PLXDC2: variants seen among roughly 807,000 people sequenced by gnomAD.
The protein encoded by PLXDC2 is plexin domain-containing protein 2.
PLXDC2 carries 40 observed loss-of-function variants against 68.9 expected under a neutral mutation model. That is an observed-to-expected ratio of 0.58 (90% CI 0.45 to 0.76). The LOEUF is 0.76. Ranked by LOEUF, PLXDC2 falls within the 30% of genes least tolerant of loss-of-function variation. The pLI, the probability that PLXDC2 is intolerant of heterozygous loss-of-function variation, is 0.00. For missense variants in PLXDC2, 644 were observed against 661.9 expected (o/e 0.97, Z 0.30); for synonymous variants, 243 against 234.2 (o/e 1.04, Z -0.34).
chr10:20,156,892 A>T (rs1834224419), intron 6 of PLXDC2, among the ~76,000 whole-genome samples: 1 of 152,186 alleles, frequency 6.6e-6, no homozygotes, highest in African/African-American at 2.4e-5. Context: ...GTTTACAGAC[A>T]ACTCACCATT....
chr10:20,014,197 TTTCCTTCCTTCC>T (rs912652172), intron 2 of PLXDC2, among the ~76,000 whole-genome samples: 3 of 122,802 alleles, frequency 2.4e-5, no homozygotes, highest in South Asian at 5.8e-4. Context: ...CCCTCCCTTG[TTTCCTTCCTTCC>T]TTCCTTCCTT....
chr10:19,943,888 A>G lies in PLXDC2; in HGVS notation c.113-57887A>G, dbSNP rs566530707. ...TTGTGTTTCATTTTGGAGGAAATGGACTTTTGCTATGCATTGTTTGTTGGG... is the reference window on the plus strand; with the variant it reads ...TTGTGTTTCATTTTGGAGGAAATGGGCTTTTGCTATGCATTGTTTGTTGGG... On this transcript the variant is annotated intron_variant, in intron 1 of 13. Coordinates refer to ENST00000377252, the MANE Select transcript of PLXDC2 (RefSeq NM_032812.9). Among the ~76,000 whole-genome samples, 3 of 152,266 alleles carry G rather than the reference A, an allele frequency of 2.0e-5. No homozygotes were observed. In the South Asian group the frequency reaches 6.2e-4, roughly 32 times the overall value.
At chr10:20,078,505 A>T (rs1589618409) in intron 4 of PLXDC2, among the ~76,000 whole-genome samples, 1 of 152,248 alleles carries the variant, frequency 6.6e-6, no homozygotes, top group East Asian at 1.9e-4. Flanking sequence ...AATGAGTGTT[A>T]TAAGATTATG....
chr10:20,158,638 G>A (rs924159381), intron 6 of PLXDC2, among the ~76,000 whole-genome samples: 1 of 151,574 alleles, frequency 6.6e-6, no homozygotes, highest in Non-Finnish European at 1.5e-5. Flanking sequence ...ACTCCAGCCT[G>A]GGCAACAGAA....
intron 1 of PLXDC2, among the ~76,000 whole-genome samples, chr10:19,938,952 A>C (rs1429254401): frequency 1.3e-5 from 2 of 152,192 alleles, no homozygotes; most frequent in East Asian, 3.9e-4. Flanking sequence ...TGGCAGTAAG[A>C]ATGAATGGAT....
intron 1 of PLXDC2, among the ~76,000 whole-genome samples, chr10:19,926,887 T>C (rs150274199): frequency 1.3e-4 from 20 of 152,326 alleles, no homozygotes; most frequent in African/African-American, 4.6e-4. Context: ...AGATAGACTT[T>C]AGAAGTTCAC....
At chr10:20,019,026 TC>T (rs1392227439) in intron 2 of PLXDC2, among the ~76,000 whole-genome samples, 28 of 152,206 alleles carry the variant, frequency 1.8e-4, no homozygotes, top group Non-Finnish European at 1.2e-4. Context: ...ATGCCTGTGA[TC>T]CCAGCACTTT....
At chr10:19,923,590 A>T (rs991480342) in intron 1 of PLXDC2, among the ~76,000 whole-genome samples, 5 of 152,232 alleles carry the variant, frequency 3.3e-5, no homozygotes, top group African/African-American at 9.6e-5. Context: ...AGGATAATTT[A>T]AAAAATTCAA....
At chr10:20,103,233 C>A (rs761941323) in intron 4 of PLXDC2, among the ~76,000 whole-genome samples, 1 of 151,984 alleles carries the variant, frequency 6.6e-6, no homozygotes, top group Non-Finnish European at 1.5e-5. Flanking sequence ...AATATAATGA[C>A]AGTGCATATA....
chr10:19,963,313 A>G (rs148194271), intron 1 of PLXDC2, among the ~76,000 whole-genome samples: 3 of 152,300 alleles, frequency 2.0e-5, no homozygotes, highest in East Asian at 1.9e-4. Flanking sequence ...TGGGGAGGGC[A>G]TGATGGAAAA....
At chr10:19,899,238 T>G (rs1349862787) in intron 1 of PLXDC2, among the ~76,000 whole-genome samples, 1 of 152,196 alleles carries the variant, frequency 6.6e-6, no homozygotes, top group Non-Finnish European at 1.5e-5. Context: ...TTAAAGCTGC[T>G]TCTCATAATT....
At chr10:19,895,604 G>A (rs1324854199) in intron 1 of PLXDC2, among the ~76,000 whole-genome samples, 2 of 152,158 alleles carry the variant, frequency 1.3e-5, no homozygotes, top group Non-Finnish European at 2.9e-5. Context: ...TGCACTTACA[G>A]CACATCTCAT....
intron 7 of PLXDC2, among the ~76,000 whole-genome samples, chr10:20,166,468 A>T (rs1159508619): frequency 1.3e-5 from 2 of 152,180 alleles, no homozygotes; most frequent in Non-Finnish European, 1.5e-5. Context: ...AGAGCTCTTA[A>T]ATAAGAGGCT....
intron 1 of PLXDC2, among the ~76,000 whole-genome samples, chr10:19,981,780 C>T (rs1834554971): frequency 1.3e-5 from 2 of 152,184 alleles, no homozygotes; most frequent in Admixed American, 1.3e-4. Flanking sequence ...AAATTATGTA[C>T]TTCATACAAT....
intron 1 of PLXDC2, among the ~76,000 whole-genome samples, chr10:19,825,761 C>T (rs1836558558): frequency 6.6e-6 from 1 of 152,142 alleles, no homozygotes; most frequent in African/African-American, 2.4e-5. Flanking sequence ...AGGTACTGCT[C>T]ATGCTGAATC....
chr10:20,098,359 G>GTC (rs1488439625), intron 4 of PLXDC2, among the ~76,000 whole-genome samples: 1 of 147,852 alleles, frequency 6.8e-6, no homozygotes, highest in Admixed American at 6.7e-5. Flanking sequence ...GTGTGTGTAT[G>GTC]TGTGTGTGTG....
chr10:20,225,507 TTA>T (rs1372671181), intron 12 of PLXDC2, among the ~76,000 whole-genome samples: 6 of 152,166 alleles, frequency 3.9e-5, no homozygotes, highest in African/African-American at 1.2e-4. Flanking sequence ...ACATTTAGTT[TTA>T]TGTTTGGTTT....
intron 13 of PLXDC2, among the ~76,000 whole-genome samples, chr10:20,250,921 T>G (rs996331426): frequency 2.0e-5 from 3 of 152,180 alleles, no homozygotes; most frequent in Non-Finnish European, 4.4e-5. Context: ...ACACCAGTTA[T>G]TATACATTTT....
At chr10:20,257,847 T>C (rs1588547604) in intron 13 of PLXDC2, among the ~76,000 whole-genome samples, 1 of 152,162 alleles carries the variant, frequency 6.6e-6, no homozygotes, top group South Asian at 2.1e-4. Flanking sequence ...ACATAGTAGG[T>C]GTATATATTC....
Sources: gnomAD v4.1 joint callset for allele counts (sites outside exome capture counted in the v4.1 genomes callset) on GRCh38, gnomAD v4.1.1 for gene constraint, MANE v1.5 for transcripts, NCBI Gene and HGNC (gene_info 2026-07-23, HGNC 2026-07-21) for gene names.